Variants in ASXL3 observed in about 807,000 individuals in gnomAD.
ASXL3 encodes putative Polycomb group protein ASXL3.
Under a neutral mutation model 170.6 loss-of-function variants are expected in ASXL3, and 34 were observed. The ratio of observed to expected loss-of-function variants is 0.20; its 90% confidence interval spans 0.15 to 0.27. The LOEUF (loss-of-function observed/expected upper bound fraction) is 0.27, where lower values mean the gene tolerates loss of function less well. ASXL3 is among the 10% of genes least tolerant of loss of function. ASXL3 has a pLI of 1.00. For missense variants in ASXL3, 2,592 were observed against 2,695.3 expected (o/e 0.96, Z 0.85); for synonymous variants, 1,002 against 989.1 (o/e 1.01, Z -0.24).
chr18:33,671,776 A>G lies in ASXL3; in HGVS notation c.625A>G (p.Ser209Gly), dbSNP rs139506880. 2.5e-6 allele frequency: 4 copies of G among 1,609,444 alleles called. No individual in the cohort carries two copies. Among genetic ancestry groups the G allele is most frequent in the African/African-American group, 2.7e-5 (2 of 74,952 alleles). Residue 209 changes from serine (S) to glycine (G), a missense_variant, in exon 7 of 12, where the codon AGT becomes GGT. Physicochemically the swap from Ser to Gly is moderately conservative, Grantham distance 56. Coordinates refer to ENST00000269197, the MANE Select transcript of ASXL3 (RefSeq NM_030632.3). ...TGAATCTAAAAATGGTGAAGCAGAC[A>G]GTTCAGATAAAGAAATGAAACATGG... Reference protein sequence around the residue: ...GSESKNGEADSSDKEMKHGQK... With the variant: ...GSESKNGEADGSDKEMKHGQK...
At chr18:33,704,235 T>G (rs2066923227) in intron 8 of ASXL3, among the ~76,000 whole-genome samples, 1 of 152,142 alleles carries the variant, frequency 6.6e-6, no homozygotes, top group Admixed American at 6.6e-5. Flanking sequence ...TCTTTCCTAT[T>G]AAGTTACATT....
chr18:33,591,075 T>C (rs920845357), intron 1 of ASXL3, among the ~76,000 whole-genome samples: 2 of 152,222 alleles, frequency 1.3e-5, no homozygotes, highest in African/African-American at 4.8e-5. Flanking sequence ...ATTTTCTGAA[T>C]ATTGAGATTA....
intron 1 of ASXL3, among the ~76,000 whole-genome samples, chr18:33,602,860 A>G (rs916213885): frequency 2.7e-5 from 4 of 150,884 alleles, no homozygotes; most frequent in Non-Finnish European, 5.9e-5. Context: ...TGTTGTATAA[A>G]AGTCATCTGT....
At chr18:33,652,521 G>T (rs2066015379) in intron 4 of ASXL3, among the ~76,000 whole-genome samples, 1 of 144,586 alleles carries the variant, frequency 6.9e-6, no homozygotes, top group Non-Finnish European at 1.5e-5. Context: ...AAAAGGTTCT[G>T]CTTGCTATTA....
chr18:33,639,605 C>T (rs901515909), intron 2 of ASXL3, among the ~76,000 whole-genome samples: 1 of 151,958 alleles, frequency 6.6e-6, no homozygotes, highest in East Asian at 1.9e-4. Context: ...TCTTAATTTC[C>T]CTGTAGATCT....
intron 4 of ASXL3, 40 bp downstream of exon 4, chr18:33,646,393 T>C (rs776562177): frequency 7.1e-7 from 1 of 1,411,538 alleles, no homozygotes; most frequent in South Asian, 1.2e-5. Context: ...CCTTGTTCTC[T>C]TAAAAGTTAT....
At chr18:33,657,725 A>G (rs755423660) in intron 4 of ASXL3, among the ~76,000 whole-genome samples, 2 of 151,910 alleles carry the variant, frequency 1.3e-5, no homozygotes, top group Non-Finnish European at 2.9e-5. Flanking sequence ...CTGATCTTCT[A>G]AATAGAGTAT....
At chr18:33,696,853 C>A (rs913118441) in intron 8 of ASXL3, among the ~76,000 whole-genome samples, 1 of 152,106 alleles carries the variant, frequency 6.6e-6, no homozygotes, top group African/African-American at 2.4e-5. Context: ...GATGTATCAC[C>A]AAACATATGG....
At chr18:33,611,485 C>T (rs2065336445) in intron 2 of ASXL3, among the ~76,000 whole-genome samples, 1 of 152,002 alleles carries the variant, frequency 6.6e-6, no homozygotes, top group African/African-American at 2.4e-5. Context: ...TTTAGGGCTT[C>T]TGCCCTTTAT....
At chr18:33,676,892 G>A (rs1439758489) in intron 7 of ASXL3, among the ~76,000 whole-genome samples, 1 of 152,128 alleles carries the variant, frequency 6.6e-6, no homozygotes, top group Non-Finnish European at 1.5e-5. Context: ...ACATAGATTT[G>A]TGAATGCTTT....
intron 8 of ASXL3, among the ~76,000 whole-genome samples, chr18:33,708,212 C>T (rs956578040): frequency 6.6e-6 from 1 of 152,122 alleles, no homozygotes; most frequent in African/African-American, 2.4e-5. Context: ...GTTAGGAAAA[C>T]TATACTCGTA....
At chr18:33,691,275 C>A (rs575566159) in intron 8 of ASXL3, among the ~76,000 whole-genome samples, 1 of 152,240 alleles carries the variant, frequency 6.6e-6, no homozygotes, top group African/African-American at 2.4e-5. Context: ...ATAAGCCCTG[C>A]GTCCCTTCAC....
intron 8 of ASXL3, among the ~76,000 whole-genome samples, chr18:33,730,846 A>C (rs568440853): frequency 6.6e-6 from 1 of 152,200 alleles, no homozygotes; most frequent in Non-Finnish European, 1.5e-5. Context: ...TGAGTAAACA[A>C]TAAATCAATT....
intron 4 of ASXL3, among the ~76,000 whole-genome samples, chr18:33,654,852 A>G (rs1302563386): frequency 1.3e-5 from 2 of 151,964 alleles, no homozygotes; most frequent in Non-Finnish European, 2.9e-5. Context: ...TACTAAATAT[A>G]TTTATTTTTG....
intron 9 of ASXL3, among the ~76,000 whole-genome samples, chr18:33,732,579 C>T (rs184688871): frequency 3.9e-5 from 6 of 152,178 alleles, no homozygotes; most frequent in South Asian, 2.1e-4. Flanking sequence ...ACTAGCCAGG[C>T]GTGGTGGCTC....
At chr18:33,598,142 C>A (rs2065147518) in intron 1 of ASXL3, among the ~76,000 whole-genome samples, 1 of 152,062 alleles carries the variant, frequency 6.6e-6, no homozygotes, top group Non-Finnish European at 1.5e-5. Context: ...TTGTATTAAT[C>A]CTACATCTGC....
At chr18:33,722,723 G>C (rs1196555504) in intron 8 of ASXL3, among the ~76,000 whole-genome samples, 1 of 152,124 alleles carries the variant, frequency 6.6e-6, no homozygotes, top group African/African-American at 2.4e-5. Context: ...GATGAAGGTG[G>C]CTATGTTAAA....
intron 8 of ASXL3, among the ~76,000 whole-genome samples, chr18:33,719,663 T>C (rs1310990372): frequency 1.3e-5 from 2 of 151,948 alleles, no homozygotes; most frequent in Non-Finnish European, 1.5e-5. Flanking sequence ...AGGTGGAGCT[T>C]TGGGAGATGA....
At position 33,707,413 on chromosome 18, in the gene ASXL3, T is replaced by G. The variant is rs561079266; in HGVS notation, c.879+23845T>G. ...TTTCTCTCAATATTTCATAGTTCCC[T>G]TAGGAAAGGTAGTACATCATTTGAT... On this transcript the variant is annotated intron_variant, in intron 8 of 11. Transcript: ENST00000269197. 2.0e-5 allele frequency among the ~76,000 whole-genome samples: 3 copies of G among 152,096 alleles called. No homozygotes were observed. The East Asian group carries it at 5.8e-4, about 29-fold the overall frequency.
Sources: gnomAD v4.1 joint callset for allele counts (sites outside exome capture counted in the v4.1 genomes callset) on GRCh38, gnomAD v4.1.1 for gene constraint, MANE v1.5 for transcripts, NCBI Gene and HGNC (gene_info 2026-07-23, HGNC 2026-07-21) for gene names.